Variants in HAGH observed in about 807,000 individuals in gnomAD.
HAGH encodes the protein hydroxyacylglutathione hydrolase, mitochondrial.
In HAGH, 29 loss-of-function variants were observed where a neutral mutation model predicts 35.1. That is an observed-to-expected ratio of 0.83 (90% CI 0.62 to 1.13). HAGH has a LOEUF of 1.13. Ranked by LOEUF, HAGH falls within the 50% of genes most tolerant of loss-of-function variation. The pLI, the probability that HAGH is intolerant of heterozygous loss-of-function variation, is 0.00. For synonymous variants in HAGH, 225 were observed against 176.1 expected (o/e 1.28, Z -2.20); for missense variants, 478 against 419.6 (o/e 1.14, Z -1.22).
chr16:1,817,314 G>T, intron 5 of HAGH, 43 bp from the exon 6 acceptor site: 1 of 1,260,424 alleles, frequency 7.9e-7, no homozygotes, highest in Non-Finnish European at 1.2e-6. Flanking sequence ...ACTTGAGGCT[G>T]GTGGCTAGGA....
chr16:1,818,782 G>A (rs558369874), intron 5 of HAGH: 7 of 295,216 alleles, frequency 2.4e-5, no homozygotes, highest in Admixed American at 1.4e-4. Flanking sequence ...TCCACACTAC[G>A]GCATCAAGGA....
At chr16:1,811,223 G>A (rs1018975079) in intron 7 of HAGH, among the ~76,000 whole-genome samples, 3 of 152,056 alleles carry the variant, frequency 2.0e-5, no homozygotes, top group African/African-American at 7.2e-5. Context: ...AGACCAGCCT[G>A]GGCAACACGG....
chr16:1,809,010 TGG>T lies in HAGH; in HGVS notation c.*271_*272del, dbSNP rs1187733820. 4.5e-6 allele frequency: 2 copies of T among 446,192 alleles called. No homozygotes were observed. Among genetic ancestry groups the T allele is most frequent in the Non-Finnish European group, 8.1e-6 (2 of 247,902 alleles). The allele number at this position is 446,192 out of a possible 1,614,324, so 27.6% of individuals were successfully genotyped here. A position where few individuals can be genotyped will look rare whatever the true frequency, so the allele number is the denominator to read the frequency against. On this transcript the variant is annotated 3_prime_UTR_variant, in exon 9 of 9. Coordinates refer to ENST00000397356, the MANE Select transcript of HAGH (RefSeq NM_005326.6). The stretch of plus-strand genomic sequence containing the variant: ...GCTCACGCCTGACCTGAAGCGTGGG[TGG>T]GGGGACTGCAGTGGCTCACGGAGGA...
intron 3 of HAGH, 116 bp downstream of exon 3, chr16:1,822,184 G>T: frequency 1.4e-6 from 1 of 705,658 alleles, no homozygotes; most frequent in South Asian, 1.6e-5. Context: ...TCTGCTGGGG[G>T]CTTGTCCTCA....
Position 1,826,703 on chromosome 16 carries a change from C to G in HAGH, c.76+9G>C. The G allele has an allele frequency of 1.9e-6, 2 of 1,077,570 alleles. No individual in the cohort carries two copies. The highest frequency in any genetic ancestry group is 2.2e-6 in the Non-Finnish European group (2 of 889,336). The allele number at this position is 1,077,570 out of a possible 1,614,324, so 66.8% of individuals were successfully genotyped here. A position where few individuals can be genotyped will look rare whatever the true frequency, so the allele number is the denominator to read the frequency against. On this transcript the variant is annotated intron_variant, in intron 1 of 8. Coordinates refer to ENST00000397356, the MANE Select transcript of HAGH (RefSeq NM_005326.6). ...CGTCCCCCGGCCCGCACCGCCCCGC[C>G]GCACCCACCGAGGCCTCGGCGGGCG...
At chr16:1,819,298 C>G in intron 4 of HAGH, 75 bp from the exon 5 acceptor site, 2 of 811,766 alleles carry the variant, frequency 2.5e-6, no homozygotes, top group East Asian at 5.3e-5. Flanking sequence ...GGCGCGCCGC[C>G]TGGGCCCTAC....
chr16:1,808,268 C>G lies in HAGH; in HGVS notation c.*1015G>C, dbSNP rs937886654. ...GACTACAGCTGCACACCACCCTGCC[C>G]AGGTAACTTTTTAAAAAGATTATTA... On this transcript the variant is annotated 3_prime_UTR_variant, in exon 9 of 9. Transcript: ENST00000397356. 2.6e-5 allele frequency: 4 copies of G among 152,002 alleles called. No homozygotes were observed. The highest frequency in any genetic ancestry group is 9.7e-5 in the African/African-American group (4 of 41,364). 9.4% of individuals were successfully genotyped at this position (152,002 alleles called of 1,614,324 possible).
In HAGH at chr16:1,819,037, T is replaced by C. The variant is rs763213146; in HGVS notation, c.541+78A>G. ...GGTGCAACAGAGAAGGCCACGAAGC[T>C]GCCCCGTGAGCCTGCCTGGCAGGAG... On this transcript the variant is annotated intron_variant, in intron 5 of 8. Transcript: ENST00000397356. 37 of 892,930 alleles carry C rather than the reference T, an allele frequency of 4.1e-5. No individual in the cohort carries two copies. The East Asian group carries it at 6.2e-4, about 15-fold the overall frequency. The allele number at this position is 892,930 out of a possible 1,614,324, so 55.3% of individuals were successfully genotyped here. A position where few individuals can be genotyped will look rare whatever the true frequency, so the allele number is the denominator to read the frequency against.
Position 1,808,089 on chromosome 16 carries a change from AC to A in HAGH, c.*1193del, listed in dbSNP as rs1241684435. The A allele has an allele frequency of 6.6e-6, 1 of 152,118 alleles. No individual in the cohort carries two copies. The highest frequency in any genetic ancestry group is 2.4e-5 in the African/African-American group (1 of 41,426). The allele number at this position is 152,118 out of a possible 1,614,324, so 9.4% of individuals were successfully genotyped here. On this transcript the variant is annotated 3_prime_UTR_variant, in exon 9 of 9. Transcript: ENST00000397356. ...GAGGCGGCTGCAGCATTGTGAATGG[AC>A]TAAATACCACTCAACTGCATGATTA...
At chr16:1,815,414 A>C (rs1346809240) in intron 7 of HAGH, among the ~76,000 whole-genome samples, 2 of 152,258 alleles carry the variant, frequency 1.3e-5, no homozygotes, top group Non-Finnish European at 2.9e-5. Flanking sequence ...AAAAAACTGG[A>C]AACAGACAAA....
At chr16:1,809,985 G>A (rs540031148) in intron 7 of HAGH, 152 bp from the exon 8 acceptor site, 38 of 630,686 alleles carry the variant, frequency 6.0e-5, no homozygotes, top group South Asian at 3.1e-4. Flanking sequence ...ACAACATGGC[G>A]AGACCCTGTG....
In HAGH at chr16:1,807,824, C is replaced by T. The variant is rs548374635; in HGVS notation, c.*1459G>A. On this transcript the variant is annotated 3_prime_UTR_variant, in exon 9 of 9. Transcript: ENST00000397356. ...GTATGCGAACAGACCAGTGACCCCT[C>T]CGGGGGGAGGGCATGCATGTGGTCT... 4 of 127,472 alleles carry T rather than the reference C, an allele frequency of 3.1e-5. No homozygotes were observed. The highest frequency in any genetic ancestry group is 1.2e-4 in the African/African-American group (4 of 32,362). 7.9% of individuals were successfully genotyped at this position (127,472 alleles called of 1,614,324 possible).
chr16:1,824,684 C>T (rs761314644), intron 1 of HAGH, among the ~76,000 whole-genome samples: 1 of 152,150 alleles, frequency 6.6e-6, no homozygotes, highest in South Asian at 2.1e-4. Flanking sequence ...CAGGGCCCAC[C>T]GAAATGCGGA....
intron 1 of HAGH, 21 bp downstream of exon 1, chr16:1,826,691 G>T (rs924602860): frequency 9.8e-7 from 1 of 1,022,070 alleles, no homozygotes; most frequent in Non-Finnish European, 1.2e-6. Context: ...CCCCCGGCCC[G>T]CACCGCCCCG....
At chr16:1,820,542 C>T (rs955535280) in intron 3 of HAGH, among the ~76,000 whole-genome samples, 3 of 152,138 alleles carry the variant, frequency 2.0e-5, no homozygotes, top group Admixed American at 6.5e-5. Context: ...GCCCTAGACG[C>T]GGCCTGTCTG....
Position 1,808,326 on chromosome 16 carries a change from A to T in HAGH, c.*957T>A, listed in dbSNP as rs1897487544. 6.6e-6 allele frequency: 1 copy of T among 150,748 alleles called. No individual in the cohort carries two copies. The allele number at this position is 150,748 out of a possible 1,614,324, so 9.3% of individuals were successfully genotyped here. A position where few individuals can be genotyped will look rare whatever the true frequency, so the allele number is the denominator to read the frequency against. On this transcript the variant is annotated 3_prime_UTR_variant, in exon 9 of 9. Coordinates refer to ENST00000397356, the MANE Select transcript of HAGH (RefSeq NM_005326.6). ...TCATATTTTTTTTTTTTTGAGACAG[A>T]GTCTTGCTCTGTCTCCCAGGCTGGA... is the stretch of plus-strand genomic sequence containing the variant.
intron 1 of HAGH, among the ~76,000 whole-genome samples, chr16:1,825,396 G>T (rs889907370): frequency 6.6e-6 from 1 of 152,178 alleles, no homozygotes; most frequent in African/African-American, 2.4e-5. Context: ...TCTGAGGAAA[G>T]ACGCAGCTGG....
At chr16:1,817,097 G>T in intron 6 of HAGH, 71 bp downstream of exon 6, 1 of 1,325,594 alleles carries the variant, frequency 7.5e-7, no homozygotes, top group South Asian at 1.2e-5. Flanking sequence ...GTGAGAGGGT[G>T]CCAGGAGGGA....
At chr16:1,820,745 C>T (rs1011816142) in intron 3 of HAGH, among the ~76,000 whole-genome samples, 1 of 152,188 alleles carries the variant, frequency 6.6e-6, no homozygotes, top group African/African-American at 2.4e-5. Flanking sequence ...CAGAAACCGC[C>T]TGCCTTGGCA....
Sources: allele counts gnomAD v4.1 joint callset (sites outside exome capture counted in the v4.1 genomes callset), GRCh38; gene constraint gnomAD v4.1.1; transcripts MANE v1.5; gene names NCBI Gene and HGNC (gene_info 2026-07-23, HGNC 2026-07-21).